The following SCN11A variants were observed in gnomAD, a reference collection of about 807,000 sequenced individuals.
SCN11A encodes sodium channel protein type 11 subunit alpha.
A neutral mutation model predicts 162.2 loss-of-function variants in SCN11A; 122 were observed. The observed-to-expected ratio is 0.75, with a 90% CI of 0.65 to 0.87. SCN11A has a LOEUF of 0.87. Ranked by LOEUF, SCN11A falls within the 40% of genes least tolerant of loss-of-function variation. SCN11A has a pLI of 0.00. For synonymous variants in SCN11A, 758 were observed against 751.5 expected, an observed-to-expected ratio of 1.01 and a Z score of -0.14; for missense variants, 2,015 against 2,181.6, an observed-to-expected ratio of 0.92 and a Z score of 1.52.
At chr3:38,982,855 G>A (rs1162902247) in intron 2 of SCN11A, among the ~76,000 whole-genome samples, 2 of 152,210 alleles carry the variant, frequency 1.3e-5, no homozygotes, top group African/African-American at 4.8e-5. Context: ...AGACCATTTT[G>A]GGCCTTGGTT....
chr3:38,944,028 C>T (rs981642094), intron 7 of SCN11A, among the ~76,000 whole-genome samples: 3 of 152,108 alleles, frequency 2.0e-5, no homozygotes, highest in Non-Finnish European at 2.9e-5. Context: ...CCCAATTACC[C>T]TTAAGTGATC....
intron 1 of SCN11A, among the ~76,000 whole-genome samples, chr3:39,045,663 T>G (rs2032166117): frequency 6.6e-6 from 1 of 152,102 alleles, no homozygotes; most frequent in South Asian, 2.1e-4. Context: ...AAAGGCCATA[T>G]ATGACAAACC....
At chr3:38,959,947 G>A (rs1031694660) in intron 3 of SCN11A, among the ~76,000 whole-genome samples, 2 of 152,102 alleles carry the variant, frequency 1.3e-5, no homozygotes, top group Admixed American at 6.5e-5. Flanking sequence ...TTTTACCATC[G>A]CCTCAGTTGG....
At chr3:39,003,912 T>C (rs182968795) in intron 2 of SCN11A, among the ~76,000 whole-genome samples, 2 of 152,364 alleles carry the variant, frequency 1.3e-5, no homozygotes, top group Admixed American at 6.5e-5. Flanking sequence ...TCCTTATAGA[T>C]GCTGGATATT....
At chr3:39,002,283 T>C (rs2030838950) in intron 2 of SCN11A, among the ~76,000 whole-genome samples, 2 of 152,306 alleles carry the variant, frequency 1.3e-5, no homozygotes, top group East Asian at 3.9e-4. Context: ...GAAACAAATA[T>C]TGTGATTTAT....
At chr3:38,873,733 A>T in intron 23 of SCN11A, among the ~76,000 whole-genome samples, 1 of 152,206 alleles carries the variant, frequency 6.6e-6, no homozygotes, top group Non-Finnish European at 1.5e-5. Flanking sequence ...TCAGTGAGAC[A>T]CATAGAAACA....
chr3:38,920,709 T>C (rs544115291), intron 10 of SCN11A, among the ~76,000 whole-genome samples: 207 of 143,428 alleles, frequency 1.4e-3, no homozygotes, highest in African/African-American at 5.0e-3. Flanking sequence ...AAAAAAGACG[T>C]GTCATTGGAG....
At chr3:39,019,521 G>T (rs1323036270) in intron 2 of SCN11A, among the ~76,000 whole-genome samples, 1 of 152,176 alleles carries the variant, frequency 6.6e-6, no homozygotes, top group Non-Finnish European at 1.5e-5. Flanking sequence ...TGGTCTCCAT[G>T]AATTGATTTT....
At chr3:38,912,601 G>T (rs1043373410) in intron 11 of SCN11A, among the ~76,000 whole-genome samples, 2 of 152,106 alleles carry the variant, frequency 1.3e-5, no homozygotes, top group Non-Finnish European at 2.9e-5. Flanking sequence ...GTACCCAACA[G>T]TTATTTTTTC....
At chr3:39,026,339 CT>C (rs2031587065) in intron 2 of SCN11A, among the ~76,000 whole-genome samples, 1 of 152,094 alleles carries the variant, frequency 6.6e-6, no homozygotes, top group African/African-American at 2.4e-5. Flanking sequence ...TGTTCTCTAC[CT>C]GGGATATAAT....
At chr3:38,963,426 T>C (rs1575339043) in intron 2 of SCN11A, among the ~76,000 whole-genome samples, 2 of 74,228 alleles carry the variant, frequency 2.7e-5, no homozygotes, top group African/African-American at 1.1e-4. Flanking sequence ...ATGATGGAGA[T>C]ATATATATAT....
intron 2 of SCN11A, among the ~76,000 whole-genome samples, chr3:38,989,575 G>C (rs1190487964): frequency 2.0e-5 from 3 of 152,208 alleles, no homozygotes; most frequent in Non-Finnish European, 4.4e-5. Flanking sequence ...TGAAGAATGT[G>C]CTTAGAAAGA....
chr3:38,987,340 C>CACA (rs1189366456), intron 2 of SCN11A, among the ~76,000 whole-genome samples: 5 of 146,892 alleles, frequency 3.4e-5, no homozygotes, highest in African/African-American at 1.3e-4. Flanking sequence ...CACACACACA[C>CACA]ACCTGTCCTG....
Position 38,847,130 on chromosome 3 carries a change from G to A in SCN11A, c.4940C>T (p.Ser1647Phe). Residue 1647 changes from serine (S) to phenylalanine (F), a missense_variant, in exon 30 of 30, where the codon TCT becomes TTT. Physicochemically the swap from Ser to Phe is radical, Grantham distance 155. Coordinates refer to ENST00000302328, the MANE Select transcript of SCN11A (RefSeq NM_001349253.2). ...ATQFIKYSAL[S>F]DFADALPEPL... Reference sequence around the variant, plus strand: ...CTCAGGCAAGGCATCAGCAAAGTCAGAAAGGGCAGAATATTTGATAAATTG... The same window carrying A: ...CTCAGGCAAGGCATCAGCAAAGTCAAAAAGGGCAGAATATTTGATAAATTG... The A allele has an allele frequency of 6.2e-7, 1 of 1,614,222 alleles. No homozygotes were observed. Among genetic ancestry groups the A allele is most frequent in the Non-Finnish European group, 8.5e-7 (1 of 1,180,048 alleles).
chr3:38,961,564 G>A (rs1295637029), intron 2 of SCN11A, among the ~76,000 whole-genome samples: 2 of 152,178 alleles, frequency 1.3e-5, no homozygotes, highest in South Asian at 2.1e-4. Flanking sequence ...CCCAGAATAA[G>A]AGAAGACCAA....
chr3:38,910,978 A>G (rs2065879365), intron 11 of SCN11A, among the ~76,000 whole-genome samples: 1 of 152,204 alleles, frequency 6.6e-6, no homozygotes, highest in Admixed American at 6.5e-5. Flanking sequence ...TACATGCACC[A>G]AAAAGCTTAT....
At chr3:38,854,050 G>C (rs560729862) in intron 28 of SCN11A, among the ~76,000 whole-genome samples, 39 of 152,086 alleles carry the variant, frequency 2.6e-4, no homozygotes, top group African/African-American at 9.4e-4. Context: ...TTATTGTACA[G>C]CCCATGAGCT....
intron 3 of SCN11A, among the ~76,000 whole-genome samples, chr3:38,957,693 C>G (rs963379852): frequency 6.6e-6 from 1 of 152,220 alleles, no homozygotes; most frequent in Admixed American, 6.5e-5. Flanking sequence ...GCCGAATAGA[C>G]AGAAAGCAAA....
At chr3:39,032,017 A>G (rs1160940205) in intron 2 of SCN11A, among the ~76,000 whole-genome samples, 1 of 152,240 alleles carries the variant, frequency 6.6e-6, no homozygotes, top group Admixed American at 6.5e-5. Flanking sequence ...AAAAATGGTT[A>G]TACAAAAGGA....
Sources: gnomAD v4.1 joint callset for allele counts (sites outside exome capture counted in the v4.1 genomes callset) on GRCh38, gnomAD v4.1.1 for gene constraint, MANE v1.5 for transcripts, NCBI Gene and HGNC (gene_info 2026-07-23, HGNC 2026-07-21) for gene names.